Variants in WDFY3 observed in about 807,000 individuals in gnomAD.
WDFY3 encodes WD repeat and FYVE domain containing 3, also known as WD repeat and FYVE domain-containing protein 3.
In WDFY3, 66 loss-of-function variants were observed where a neutral mutation model predicts 409.6. The observed-to-expected ratio is 0.16, with a 90% CI of 0.13 to 0.20. The LOEUF is 0.20. Ranked by LOEUF, WDFY3 falls within the 10% of genes least tolerant of loss-of-function variation. WDFY3 has a pLI of 1.00. For missense variants in WDFY3, 3,031 were observed against 4,298.1 expected, an observed-to-expected ratio of 0.71 and a Z score of 8.24; for synonymous variants, 1,521 against 1,537.1, an observed-to-expected ratio of 0.99 and a Z score of 0.25.
chr4:84,687,814 G>T (rs1278976439), intron 62 of WDFY3: 5 of 300,658 alleles, frequency 1.7e-5, no homozygotes, highest in East Asian at 7.0e-5. Context: ...ATTTTGATCT[G>T]CTCCATTTCC....
intron 3 of WDFY3, among the ~76,000 whole-genome samples, chr4:84,895,327 G>A (rs759254308): frequency 6.6e-6 from 1 of 152,198 alleles, no homozygotes; most frequent in Non-Finnish European, 1.5e-5. Flanking sequence ...AAAGTGCTAT[G>A]GAGAACACAG....
At chr4:84,746,403 C>G (rs1008387841) in intron 36 of WDFY3, among the ~76,000 whole-genome samples, 1 of 152,114 alleles carries the variant, frequency 6.6e-6, no homozygotes, top group Admixed American at 6.5e-5. Flanking sequence ...CAAATCTTAA[C>G]TAGAAAAAGT....
intron 62 of WDFY3, among the ~76,000 whole-genome samples, chr4:84,685,551 C>A (rs1728172979): frequency 6.6e-6 from 1 of 152,200 alleles, no homozygotes; most frequent in Non-Finnish European, 1.5e-5. Context: ...TTGCTCCATT[C>A]TGCACTGGGC....
At position 84,677,656 on chromosome 4, in the gene WDFY3, A is replaced by T. The variant is rs1028222710; in HGVS notation, c.10260-260T>A. ...CAGAAAAAGCAGTTTTTCACTTTTT[A>T]AAAAATTCAGAATTTAAATCCAGTG... On this transcript the variant is annotated intron_variant, in intron 66 of 67. Coordinates refer to ENST00000295888, the MANE Select transcript of WDFY3 (RefSeq NM_014991.6). 1.8e-4 allele frequency among the ~76,000 whole-genome samples: 28 copies of T among 152,254 alleles called. 1 individual carries two copies. Among genetic ancestry groups the T allele is most frequent in the South Asian group, 6.2e-4 (3 of 4,820 alleles).
chr4:84,706,308 G>C (rs1731928894), intron 53 of WDFY3, among the ~76,000 whole-genome samples: 1 of 152,152 alleles, frequency 6.6e-6, no homozygotes, highest in South Asian at 2.1e-4. Context: ...ATTTATGAAT[G>C]TAAGTCAAGT....
chr4:84,733,830 T>C (rs939993244), intron 43 of WDFY3, among the ~76,000 whole-genome samples: 1 of 152,140 alleles, frequency 6.6e-6, no homozygotes, highest in Non-Finnish European at 1.5e-5. Context: ...CAGACATGGA[T>C]AGGGTAGAGT....
In WDFY3 at chr4:84,669,705, T is replaced by G. The variant is rs1280064287; in HGVS notation, c.*3163A>C. On this transcript the variant is annotated 3_prime_UTR_variant, in exon 68 of 68. Transcript: ENST00000295888. Reference sequence around the variant, plus strand: ...CAGATATCACAGACTGCACACTAGATAGTAATTCTTCAGGTCTTTTACATA... The same window carrying G: ...CAGATATCACAGACTGCACACTAGAGAGTAATTCTTCAGGTCTTTTACATA... The G allele has an allele frequency of 6.8e-6, 1 of 147,562 alleles. No homozygotes were observed. The highest frequency in any genetic ancestry group is 2.5e-5 in the African/African-American group (1 of 39,668). The allele number at this position is 147,562 out of a possible 1,614,324, so 9.1% of individuals were successfully genotyped here.
chr4:84,939,303 G>T (rs1408611402), intron 1 of WDFY3, among the ~76,000 whole-genome samples: 2 of 152,152 alleles, frequency 1.3e-5, no homozygotes, highest in African/African-American at 4.8e-5. Flanking sequence ...TCCCCTCAGG[G>T]TGTCCTATCT....
intron 35 of WDFY3, 122 bp from the exon 36 acceptor site, chr4:84,751,838 T>G: frequency 3.0e-6 from 3 of 990,560 alleles, no homozygotes; most frequent in Non-Finnish European, 4.6e-6. Context: ...TTCAGCACAT[T>G]ATTTCACTCT....
chr4:84,672,272 A>G lies in WDFY3; in HGVS notation c.*596T>C, dbSNP rs552471287. ...ACACAGGCTGAGCTTGAAAGGAAAA[A>G]AAGACCACAGATAATGTCTTTGGGG... is the stretch of plus-strand genomic sequence containing the variant. On this transcript the variant is annotated 3_prime_UTR_variant, in exon 68 of 68. Coordinates refer to ENST00000295888, the MANE Select transcript of WDFY3 (RefSeq NM_014991.6). The G allele has an allele frequency of 6.6e-6, 1 of 152,324 alleles. No homozygotes were observed. The highest frequency in any genetic ancestry group is 2.1e-4 in the South Asian group (1 of 4,828). 9.4% of individuals were successfully genotyped at this position (152,324 alleles called of 1,614,324 possible).
intron 48 of WDFY3, 84 bp from the exon 49 acceptor site, chr4:84,717,100 C>A: frequency 7.2e-7 from 1 of 1,389,814 alleles, no homozygotes; most frequent in Non-Finnish European, 9.4e-7. Context: ...TAATTTTAAA[C>A]ACATGAACAG....
intron 3 of WDFY3, among the ~76,000 whole-genome samples, chr4:84,874,941 G>A (rs1363921174): frequency 3.3e-5 from 5 of 152,120 alleles, no homozygotes; most frequent in Admixed American, 6.6e-5. Context: ...TGTACAGCAT[G>A]TTGCTGTACT....
intron 2 of WDFY3, among the ~76,000 whole-genome samples, chr4:84,902,448 T>A (rs1052150435): frequency 6.6e-6 from 1 of 152,198 alleles, no homozygotes; most frequent in African/African-American, 2.4e-5. Flanking sequence ...TGGACCAGAC[T>A]AAAAACATTC....
intron 6 of WDFY3, among the ~76,000 whole-genome samples, chr4:84,837,861 G>A (rs1713441958): frequency 6.6e-6 from 1 of 152,090 alleles, no homozygotes; most frequent in Admixed American, 6.5e-5. Flanking sequence ...GGAATGTCAG[G>A]CTGTGTGCTG....
chr4:84,775,247 T>TC, intron 27 of WDFY3, 109 bp from the exon 28 acceptor site: 1 of 953,344 alleles, frequency 1.0e-6, no homozygotes. Flanking sequence ...ATATAATTAT[T>TC]ATCTTGTAAA....
At chr4:84,817,365 G>T in intron 13 of WDFY3, 27 bp downstream of exon 13, 1 of 1,610,766 alleles carries the variant, frequency 6.2e-7, no homozygotes. Context: ...AGTAGTAAAA[G>T]AAGGGAAACA....
At chr4:84,835,886 C>T (rs1456720173) in intron 7 of WDFY3, among the ~76,000 whole-genome samples, 2 of 151,988 alleles carry the variant, frequency 1.3e-5, no homozygotes, top group East Asian at 3.9e-4. Flanking sequence ...CGTACCTTTA[C>T]ATATTATGTC....
intron 1 of WDFY3, among the ~76,000 whole-genome samples, chr4:84,964,834 A>T (rs1331417314): frequency 6.6e-6 from 1 of 152,220 alleles, no homozygotes; most frequent in Non-Finnish European, 1.5e-5. Context: ...AAGCATACAT[A>T]TATTTCAGAT....
chr4:84,965,987 G>C (rs911266584), intron 1 of WDFY3: 1 of 152,844 alleles, frequency 6.5e-6, no homozygotes, highest in African/African-American at 2.4e-5. Context: ...CGGAGGACTA[G>C]GGCCAGGCCG....
Sources: gnomAD v4.1 joint callset for allele counts (sites outside exome capture counted in the v4.1 genomes callset) on GRCh38, gnomAD v4.1.1 for gene constraint, MANE v1.5 for transcripts, NCBI Gene and HGNC (gene_info 2026-07-23, HGNC 2026-07-21) for gene names.